The following RBFOX1 variants were observed in gnomAD, a reference collection of about 807,000 sequenced individuals.
RBFOX1 encodes the protein RNA binding fox-1 homolog 1, also known as RNA binding protein fox-1 homolog 1.
A neutral mutation model predicts 57.7 loss-of-function variants in RBFOX1; 8 were observed. The observed-to-expected ratio is 0.14, with a 90% CI of 0.08 to 0.25. The LOEUF is 0.25. RBFOX1 is among the 10% of genes least tolerant of loss of function. The probability of loss-of-function intolerance (pLI) is 1.00; values close to 1 mark genes in which losing one functional copy is unlikely to be tolerated. For missense variants in RBFOX1, 611 were observed against 548.5 expected, an observed-to-expected ratio of 1.11 and a Z score of -1.14; for synonymous variants, 326 against 222.4, an observed-to-expected ratio of 1.47 and a Z score of -4.15.
intron 4 of RBFOX1, among the ~76,000 whole-genome samples, chr16:7,347,339 G>A (rs1445301596): frequency 6.6e-6 from 1 of 152,166 alleles, no homozygotes; most frequent in Non-Finnish European, 1.5e-5. Context: ...TAAAAGACAT[G>A]TTTCACATGG....
intron 3 of RBFOX1, among the ~76,000 whole-genome samples, chr16:6,912,590 T>C (rs1048813434): frequency 6.7e-5 from 10 of 148,444 alleles, no homozygotes; most frequent in Non-Finnish European, 1.0e-4. Context: ...TCTTGCTTTC[T>C]TGCTTTCTTT....
Position 6,019,921 on chromosome 16 carries a change from C to G in RBFOX1, c.-198C>G, listed in dbSNP as rs1272611923. 11 of 1,534,758 alleles carry G rather than the reference C, an allele frequency of 7.2e-6. No homozygotes were observed. The highest frequency in any genetic ancestry group is 9.6e-6 in the Non-Finnish European group (11 of 1,146,364). On this transcript the variant is annotated 5_prime_UTR_variant, in exon 1 of 16. Transcript: ENST00000550418. The surrounding 1 kb of genome is among the most constrained non-coding windows in gnomAD (Gnocchi z 4.2). ...CTTATGGTGAGTGTGGCTGGGGGTG[C>G]AGAGAGCGCACGGGAATTCGGGGGT...
chr16:6,724,715 G>C (rs1238062953), intron 3 of RBFOX1, among the ~76,000 whole-genome samples: 1 of 152,106 alleles, frequency 6.6e-6, no homozygotes, highest in Non-Finnish European at 1.5e-5. Context: ...AGACCATATA[G>C]GGTAACTTTT....
chr16:5,663,165 C>G (rs1397126415), intron 3 of RBFOX1, among the ~76,000 whole-genome samples: 3 of 152,108 alleles, frequency 2.0e-5, no homozygotes, highest in Non-Finnish European at 2.9e-5. Flanking sequence ...TGACCCGGTT[C>G]CAAATGCCAA....
chr16:6,275,399 G>A (rs1415409601), intron 1 of RBFOX1, among the ~76,000 whole-genome samples: 4 of 152,124 alleles, frequency 2.6e-5, no homozygotes, highest in African/African-American at 7.2e-5. Flanking sequence ...AACAACTGGT[G>A]GTATTTCTGC....
chr16:6,804,818 C>T (rs577277768), intron 3 of RBFOX1, among the ~76,000 whole-genome samples: 2 of 152,272 alleles, frequency 1.3e-5, no homozygotes, highest in African/African-American at 2.4e-5. Context: ...ACTCTGACTT[C>T]TTATAGGTAA....
chr16:6,563,890 G>A (rs527957589), intron 2 of RBFOX1, among the ~76,000 whole-genome samples: 10 of 151,632 alleles, frequency 6.6e-5, no homozygotes, highest in Middle Eastern at 3.2e-3. Flanking sequence ...GTGTGTGTGT[G>A]TATATGTGCG....
chr16:6,270,594 T>C (rs1423383173), intron 1 of RBFOX1, among the ~76,000 whole-genome samples: 1 of 150,538 alleles, frequency 6.6e-6, no homozygotes, highest in African/African-American at 2.4e-5. Context: ...AAGAAAGAAA[T>C]ATATAACTCA....
chr16:5,705,701 T>G (rs2051219538), intron 3 of RBFOX1, among the ~76,000 whole-genome samples: 1 of 152,184 alleles, frequency 6.6e-6, no homozygotes, highest in Admixed American at 6.5e-5. Flanking sequence ...GGACCTCTCA[T>G]CATCCTAACA....
At chr16:6,733,411 G>A (rs2069181304) in intron 3 of RBFOX1, among the ~76,000 whole-genome samples, 1 of 152,178 alleles carries the variant, frequency 6.6e-6, no homozygotes. Context: ...CCTGTCAGCT[G>A]AACCCACTCA....
intron 2 of RBFOX1, among the ~76,000 whole-genome samples, chr16:6,322,979 CTATGAA>C (rs2081984489): frequency 6.6e-6 from 1 of 152,184 alleles, no homozygotes; most frequent in South Asian, 2.1e-4. Context: ...TACATTTCCC[CTATGAA>C]TATCTCTTAC....
chr16:6,154,501 G>A (rs2096825045), intron 1 of RBFOX1, among the ~76,000 whole-genome samples: 1 of 152,096 alleles, frequency 6.6e-6, no homozygotes, highest in East Asian at 1.9e-4. Context: ...CTTTTTTTCT[G>A]TAAGGTCTTT....
intron 1 of RBFOX1, among the ~76,000 whole-genome samples, chr16:6,254,478 T>A (rs1432407354): frequency 2.6e-5 from 4 of 152,148 alleles, no homozygotes; most frequent in Admixed American, 2.6e-4. Flanking sequence ...TGCTTAAGGA[T>A]ATGGGATTGG....
At chr16:6,987,600 C>G (rs1475838739) in intron 3 of RBFOX1, among the ~76,000 whole-genome samples, 1 of 152,134 alleles carries the variant, frequency 6.6e-6, no homozygotes, top group Non-Finnish European at 1.5e-5. Flanking sequence ...TACCTGCAAT[C>G]TCATTCATAA....
At chr16:6,076,517 G>T (rs147550074) in intron 1 of RBFOX1, among the ~76,000 whole-genome samples, 1 of 152,012 alleles carries the variant, frequency 6.6e-6, no homozygotes, top group African/African-American at 2.4e-5. Context: ...ACCCAGGCTG[G>T]AGGACAGTGG....
At chr16:7,269,205 C>G (rs1030426328) in intron 4 of RBFOX1, among the ~76,000 whole-genome samples, 3 of 152,106 alleles carry the variant, frequency 2.0e-5, no homozygotes, top group Admixed American at 1.3e-4. Context: ...ACGTTGGTGA[C>G]TTGTTCCACA....
At chr16:7,317,259 G>A (rs892906165) in intron 4 of RBFOX1, among the ~76,000 whole-genome samples, 2 of 152,284 alleles carry the variant, frequency 1.3e-5, no homozygotes, top group East Asian at 3.9e-4. Context: ...TCAGCCAGAA[G>A]AGAAGAAATG....
intron 2 of RBFOX1, among the ~76,000 whole-genome samples, chr16:6,651,557 C>G (rs908107352): frequency 6.6e-6 from 1 of 152,186 alleles, no homozygotes; most frequent in African/African-American, 2.4e-5. Context: ...GTGAAACCCA[C>G]AAGTGCCCAT....
intron 1 of RBFOX1, among the ~76,000 whole-genome samples, chr16:6,057,773 T>G (rs2095632115): frequency 6.6e-6 from 1 of 150,788 alleles, no homozygotes; most frequent in Non-Finnish European, 1.5e-5. Flanking sequence ...TTTCTCATTT[T>G]GCCAAGCCCC....
Sources: allele counts gnomAD v4.1 joint callset (sites outside exome capture counted in the v4.1 genomes callset), GRCh38; gene constraint gnomAD v4.1.1; non-coding constraint Gnocchi (gnomAD v3.1); transcripts MANE v1.5; gene names NCBI Gene and HGNC (gene_info 2026-07-23, HGNC 2026-07-21).